DOCK3: variants seen among roughly 807,000 people sequenced by gnomAD.
The protein encoded by DOCK3 is dedicator of cytokinesis protein 3.
DOCK3 carries 60 observed loss-of-function variants against 265.6 expected under a neutral mutation model. That is an observed-to-expected ratio of 0.23 (90% CI 0.18 to 0.28). DOCK3 has a LOEUF of 0.28. Among genes scored for constraint, DOCK3 ranks in the 10% least tolerant of loss-of-function variants. The probability of loss-of-function intolerance (pLI) is 1.00; values close to 1 mark genes in which losing one functional copy is unlikely to be tolerated. For synonymous variants in DOCK3, 881 were observed against 938.0 expected (o/e 0.94, Z 1.11); for missense variants, 1,981 against 2,594.3 (o/e 0.76, Z 5.14).
intron 20 of DOCK3, 124 bp from the exon 21 acceptor site, chr3:51,237,366 G>A: frequency 1.3e-6 from 1 of 748,248 alleles, no homozygotes; most frequent in Non-Finnish European, 2.2e-6. Context: ...CACTACCCAT[G>A]GGGAATGCTA....
At chr3:50,679,987 T>A (rs2034272250) in intron 1 of DOCK3, among the ~76,000 whole-genome samples, 1 of 152,178 alleles carries the variant, frequency 6.6e-6, no homozygotes, top group Non-Finnish European at 1.5e-5. Context: ...ATTAAGTAAC[T>A]GATCTAAGAT....
intron 4 of DOCK3, among the ~76,000 whole-genome samples, chr3:50,921,589 G>A (rs749010187): frequency 6.6e-5 from 10 of 152,014 alleles, no homozygotes; most frequent in South Asian, 4.1e-4. Flanking sequence ...GCTTTGTTCC[G>A]TTGCTAGCGA....
At chr3:51,110,384 A>AACC (rs2083464467) in intron 9 of DOCK3, among the ~76,000 whole-genome samples, 1 of 152,120 alleles carries the variant, frequency 6.6e-6, no homozygotes, top group Non-Finnish European at 1.5e-5. Context: ...CACCAACAAC[A>AACC]ACAGACACTT....
chr3:51,220,446 C>G (rs1328369925), intron 14 of DOCK3, among the ~76,000 whole-genome samples: 1 of 151,864 alleles, frequency 6.6e-6, no homozygotes, highest in Non-Finnish European at 1.5e-5. Context: ...CACCTGAGGT[C>G]AGGAGTTCCA....
At chr3:51,058,870 G>T (rs1453242403) in intron 5 of DOCK3, among the ~76,000 whole-genome samples, 2 of 151,962 alleles carry the variant, frequency 1.3e-5, no homozygotes, top group African/African-American at 2.4e-5. Context: ...AAATTTGGCT[G>T]TGGGTGTATA....
At chr3:51,067,861 A>G (rs113017997) in intron 6 of DOCK3, among the ~76,000 whole-genome samples, 25 of 152,296 alleles carry the variant, frequency 1.6e-4, no homozygotes, top group African/African-American at 5.8e-4. Flanking sequence ...AAGTCATTTC[A>G]TACCATTAGA....
At chr3:50,754,250 C>T (rs1050824547) in intron 1 of DOCK3, among the ~76,000 whole-genome samples, 1 of 147,902 alleles carries the variant, frequency 6.8e-6, no homozygotes, top group African/African-American at 2.5e-5. Context: ...GCACTGAACA[C>T]ACAAGGACAT....
chr3:50,738,018 T>A (rs1559572594), intron 1 of DOCK3, among the ~76,000 whole-genome samples: 1 of 152,342 alleles, frequency 6.6e-6, no homozygotes, highest in East Asian at 1.9e-4. Flanking sequence ...GGCACCTCTT[T>A]CAGTCTTTAC....
intron 1 of DOCK3, among the ~76,000 whole-genome samples, chr3:50,778,083 G>A (rs1211473137): frequency 6.6e-6 from 1 of 151,938 alleles, no homozygotes. Flanking sequence ...AGGTAAGATG[G>A]GGCTTTTCTT....
At chr3:51,104,693 T>G (rs892214840) in intron 9 of DOCK3, among the ~76,000 whole-genome samples, 2 of 152,210 alleles carry the variant, frequency 1.3e-5, no homozygotes, top group African/African-American at 4.8e-5. Flanking sequence ...AGTAAACACT[T>G]ATAATCTGAG....
At chr3:51,000,098 A>G (rs962075600) in intron 5 of DOCK3, among the ~76,000 whole-genome samples, 25 of 152,096 alleles carry the variant, frequency 1.6e-4, no homozygotes, top group African/African-American at 5.6e-4. Flanking sequence ...ATTCCCTTGT[A>G]TACCTAGGTG....
At chr3:50,873,272 G>C (rs575006631) in intron 3 of DOCK3, among the ~76,000 whole-genome samples, 1 of 152,234 alleles carries the variant, frequency 6.6e-6, no homozygotes, top group South Asian at 2.1e-4. Context: ...CTAGGATTTT[G>C]CCCTTCCCTT....
intron 1 of DOCK3, among the ~76,000 whole-genome samples, chr3:50,749,253 G>A (rs888495997): frequency 1.3e-5 from 2 of 152,118 alleles, no homozygotes; most frequent in Non-Finnish European, 2.9e-5. Flanking sequence ...GACAAATTTA[G>A]CATTTAATAT....
intron 7 of DOCK3, among the ~76,000 whole-genome samples, chr3:51,078,765 C>T (rs2082133295): frequency 6.6e-6 from 1 of 152,080 alleles, no homozygotes; most frequent in African/African-American, 2.4e-5. Flanking sequence ...AATAACAATG[C>T]TCTTTAACTC....
intron 12 of DOCK3, among the ~76,000 whole-genome samples, chr3:51,191,250 C>T (rs1560185083): frequency 6.6e-6 from 1 of 152,150 alleles, no homozygotes; most frequent in Non-Finnish European, 1.5e-5. Context: ...CCCGCCTGTC[C>T]CCTGGTTCTG....
rs2109995593 is a variant in DOCK3 at position 51,333,269 on chromosome 3, C to T, written c.3611+16C>T. The T allele has an allele frequency of 8.7e-6, 14 of 1,609,276 alleles. No individual in the cohort carries two copies. Among genetic ancestry groups the T allele is most frequent in the Non-Finnish European group, 9.3e-6 (11 of 1,177,910 alleles). ...TTGACTACAGGTATCTTCTCAGCCA[C>T]CCGCTCCCCTCTTCCCTTGTCAGGA... On this transcript the variant is annotated intron_variant, in intron 35 of 52. Transcript: ENST00000266037.
chr3:50,893,986 G>C (rs1326059091), intron 4 of DOCK3, among the ~76,000 whole-genome samples: 1 of 121,036 alleles, frequency 8.3e-6, no homozygotes, highest in Non-Finnish European at 1.7e-5. Context: ...GGTGAGGGGA[G>C]GGGGGAGGGG....
intron 1 of DOCK3, among the ~76,000 whole-genome samples, chr3:50,743,374 C>T (rs545148814): frequency 1.3e-3 from 199 of 151,856 alleles, no homozygotes; most frequent in African/African-American, 4.7e-3. Flanking sequence ...GGACTAAAAG[C>T]TCCAATTAAA....
At chr3:51,375,926 C>T (rs2088087004) in intron 51 of DOCK3, 91 bp downstream of exon 51, 2 of 1,350,534 alleles carry the variant, frequency 1.5e-6, no homozygotes, top group Non-Finnish European at 2.1e-6. Flanking sequence ...CAGGGCTAAG[C>T]CATACTTCAA....
Sources: gnomAD v4.1 joint callset for allele counts (sites outside exome capture counted in the v4.1 genomes callset) on GRCh38, gnomAD v4.1.1 for gene constraint, MANE v1.5 for transcripts, NCBI Gene and HGNC (gene_info 2026-07-23, HGNC 2026-07-21) for gene names.